Variants in COG5 observed in about 807,000 individuals in gnomAD.
COG5 encodes component of oligomeric golgi complex 5.
A neutral mutation model predicts 110.4 loss-of-function variants in COG5; 86 were observed. That is an observed-to-expected ratio of 0.78 (90% CI 0.65 to 0.93). COG5 has a LOEUF of 0.93. Ranked by LOEUF, COG5 falls within the 40% of genes least tolerant of loss-of-function variation. COG5 has a pLI of 0.00. For synonymous variants in COG5, 360 were observed against 334.6 expected (o/e 1.08, Z -0.83); for missense variants, 1,077 against 987.0 (o/e 1.09, Z -1.22).
At chr7:107,328,970 G>A (rs756993066) in intron 10 of COG5, among the ~76,000 whole-genome samples, 4 of 152,004 alleles carry the variant, frequency 2.6e-5, no homozygotes, top group African/African-American at 4.8e-5. Context: ...ACAGGCACAC[G>A]CCACCACTGA....
intron 7 of COG5, among the ~76,000 whole-genome samples, chr7:107,383,575 T>C (rs1815315429): frequency 6.6e-6 from 1 of 152,118 alleles, no homozygotes; most frequent in African/African-American, 2.4e-5. Context: ...GCTTTTGCGG[T>C]GCCTGCCAAG....
intron 6 of COG5, among the ~76,000 whole-genome samples, chr7:107,451,159 C>T (rs912780366): frequency 6.6e-6 from 1 of 152,136 alleles, no homozygotes; most frequent in African/African-American, 2.4e-5. Flanking sequence ...TAAATTACTG[C>T]TGGAGAAAAC....
At chr7:107,293,233 C>A (rs932984128) in intron 12 of COG5, among the ~76,000 whole-genome samples, 4 of 152,106 alleles carry the variant, frequency 2.6e-5, no homozygotes, top group East Asian at 1.9e-4. Flanking sequence ...CCATTCATTG[C>A]GTGGGAATTG....
chr7:107,248,437 T>C lies in COG5; in HGVS notation c.1812A>G (p.Ile604Met). The C allele has an allele frequency of 6.2e-7, 1 of 1,612,526 alleles. No individual in the cohort carries two copies. The highest frequency in any genetic ancestry group is 8.5e-7 in the Non-Finnish European group (1 of 1,179,314). Residue 604 changes from isoleucine (I) to methionine (M), a missense_variant, in exon 17 of 22, where the codon ATA becomes ATG. By Grantham distance (10) the Ile-to-Met change is conservative. Transcript: ENST00000297135. ...GATGCATGGTGATGATTATGGCCTCTATAGCATCTCCCACAGAAGTGAGTA... is the reference window on the plus strand; with the variant it reads ...GATGCATGGTGATGATTATGGCCTCCATAGCATCTCCCACAGAAGTGAGTA... ...QPLLTSVGDA[I>M]EAIIITMHQE...
chr7:107,498,961 C>T (rs559967914), intron 6 of COG5, among the ~76,000 whole-genome samples: 22 of 152,028 alleles, frequency 1.4e-4, no homozygotes, highest in African/African-American at 3.1e-4. Context: ...AATATTATTC[C>T]GACTTAAACA....
chr7:107,314,613 G>A (rs571097875), intron 11 of COG5, among the ~76,000 whole-genome samples: 1 of 149,206 alleles, frequency 6.7e-6, no homozygotes, highest in East Asian at 2.0e-4. Flanking sequence ...AGCCAGGCAT[G>A]GTGGGCGTGC....
intron 5 of COG5, among the ~76,000 whole-genome samples, chr7:107,534,509 G>A (rs866899048): frequency 6.6e-6 from 1 of 150,748 alleles, no homozygotes; most frequent in African/African-American, 2.5e-5. Flanking sequence ...AAAAAAGTGG[G>A]GGTTGCAATC....
chr7:107,416,465 T>C (rs10235031), intron 6 of COG5, among the ~76,000 whole-genome samples: 2,353 of 152,160 alleles, frequency 0.015, 62 homozygotes, highest in African/African-American at 0.054. Context: ...TTGGGATACA[T>C]AGAAACATTA....
chr7:107,504,801 T>C (rs1363190819), intron 6 of COG5, among the ~76,000 whole-genome samples: 1 of 152,200 alleles, frequency 6.6e-6, no homozygotes, highest in African/African-American at 2.4e-5. Flanking sequence ...GTGTTAATAG[T>C]AGTCTCAAAT....
chr7:107,351,220 G>A (rs1019058951), intron 10 of COG5, among the ~76,000 whole-genome samples: 6 of 152,060 alleles, frequency 3.9e-5, no homozygotes, highest in South Asian at 2.1e-4. Context: ...AGGATTCCCT[G>A]TTTAATAAAT....
At chr7:107,377,170 A>G (rs1814709087) in intron 7 of COG5, among the ~76,000 whole-genome samples, 1 of 152,152 alleles carries the variant, frequency 6.6e-6, no homozygotes, top group African/African-American at 2.4e-5. Flanking sequence ...AATGTTTGGA[A>G]GAATTGCCCC....
Position 107,541,523 on chromosome 7 carries a change from A to AAAT in COG5, c.417+6587_417+6588insATT, listed in dbSNP as rs60423657. Among the ~76,000 whole-genome samples the AAAT allele has an allele frequency of 1.4e-3, 78 of 57,014 alleles. 3 individuals are homozygous for AAAT. The highest frequency in any genetic ancestry group is 4.7e-3 in the African/African-American group (71 of 14,960). 37.4% of individuals were successfully genotyped at this position (57,014 alleles called of 152,430 possible). ...AAAAAAAAAAAAAAAAAAAAAAAAA[A>AAAT]ATATATATATATATATATATGTATT... On this transcript the variant is annotated intron_variant, in intron 5 of 21. Coordinates refer to ENST00000297135, the MANE Select transcript of COG5 (RefSeq NM_006348.5).
At chr7:107,544,565 A>C (rs1406180631) in intron 5 of COG5, among the ~76,000 whole-genome samples, 1 of 152,218 alleles carries the variant, frequency 6.6e-6, no homozygotes, top group African/African-American at 2.4e-5. Context: ...CCTAGGTACC[A>C]CAACAGCCTG....
At position 107,412,518 on chromosome 7, in the gene COG5, T is replaced by A. The variant is rs1792378595; in HGVS notation, c.653A>T (p.Gln218Leu). Residue 218 changes from glutamine to leucine, a missense_variant, in exon 7 of 22, where the codon CAG becomes CTG. Transcript: ENST00000297135. ...VENQAKRLLEQGLETQNPTQV... is the reference protein window; with the variant it reads ...VENQAKRLLELGLETQNPTQV... ...TTTTATTACCTGAGTCTCCAAACCC[T>A]GCTCTAGTAGGCGCTTAGCTTGATT... is the stretch of plus-strand genomic sequence containing the variant. 1 of 1,613,016 alleles carries A rather than the reference T, an allele frequency of 6.2e-7. No homozygotes were observed. Among genetic ancestry groups the A allele is most frequent in the African/African-American group, 1.3e-5 (1 of 74,896 alleles).
intron 6 of COG5, among the ~76,000 whole-genome samples, chr7:107,491,987 A>G (rs932276115): frequency 3.9e-5 from 6 of 152,278 alleles, no homozygotes; most frequent in Admixed American, 2.6e-4. Context: ...GGACACATAT[A>G]AAAGATATTT....
At chr7:107,497,459 AAATC>A (rs1235003984) in intron 6 of COG5, among the ~76,000 whole-genome samples, 1 of 152,218 alleles carries the variant, frequency 6.6e-6, no homozygotes, top group East Asian at 1.9e-4. Context: ...GCAGAATACA[AAATC>A]AACACACAAA....
intron 10 of COG5, among the ~76,000 whole-genome samples, chr7:107,336,036 C>T (rs1810672364): frequency 6.6e-6 from 1 of 152,036 alleles, no homozygotes; most frequent in Non-Finnish European, 1.5e-5. Context: ...AACTTCAAAA[C>T]CCCACTCTCA....
In COG5 at chr7:107,209,577, T is replaced by C. The variant is rs1799015539; in HGVS notation, c.2375+949A>G. 7 of 158,064 alleles carry C rather than the reference T, an allele frequency of 4.4e-5. No individual in the cohort carries two copies. The South Asian group carries it at 1.2e-3, about 28-fold the overall frequency. The allele number at this position is 158,064 out of a possible 1,614,324, so 9.8% of individuals were successfully genotyped here. A position where few individuals can be genotyped will look rare whatever the true frequency, so the allele number is the denominator to read the frequency against. On this transcript the variant is annotated intron_variant, in intron 21 of 21. Coordinates refer to ENST00000297135, the MANE Select transcript of COG5 (RefSeq NM_006348.5). ...CAGAGGCAGGATGAGAAGAAGAAAA[T>C]ATGGGAAATGATAGCATTTAAGGAA... is the stretch of plus-strand genomic sequence containing the variant.
At chr7:107,389,797 C>T (rs1790484234) in intron 7 of COG5, among the ~76,000 whole-genome samples, 1 of 152,156 alleles carries the variant, frequency 6.6e-6, no homozygotes, top group African/African-American at 2.4e-5. Flanking sequence ...AAGTCCATGC[C>T]ACCCCCAAGA....
Sources: gnomAD v4.1 joint callset for allele counts (sites outside exome capture counted in the v4.1 genomes callset) on GRCh38, gnomAD v4.1.1 for gene constraint, MANE v1.5 for transcripts, NCBI Gene and HGNC (gene_info 2026-07-23, HGNC 2026-07-21) for gene names.